The following DENND1B variants were observed in gnomAD, a reference collection of about 807,000 sequenced individuals.
The protein encoded by DENND1B is DENN domain-containing protein 1B.
DENND1B carries 59 observed loss-of-function variants against 90.1 expected under a neutral mutation model. That is an observed-to-expected ratio of 0.65 (90% CI 0.53 to 0.81). The LOEUF (loss-of-function observed/expected upper bound fraction) is 0.81, where lower values mean the gene tolerates loss of function less well. DENND1B is among the 40% of genes least tolerant of loss of function. The pLI is 0.00. For missense variants in DENND1B, 862 were observed against 912.6 expected, an observed-to-expected ratio of 0.94 and a Z score of 0.71; for synonymous variants, 337 against 324.6, an observed-to-expected ratio of 1.04 and a Z score of -0.41.
At chr1:197,579,924 T>C (rs1307164839) in intron 15 of DENND1B, among the ~76,000 whole-genome samples, 1 of 152,038 alleles carries the variant, frequency 6.6e-6, no homozygotes. Flanking sequence ...TTAAGGCTTG[T>C]TTCTTCTTTC....
chr1:197,674,241 G>A, intron 3 of DENND1B, 72 bp from the exon 4 acceptor site: 1 of 1,134,422 alleles, frequency 8.8e-7, no homozygotes, highest in Non-Finnish European at 1.3e-6. Context: ...AAACTTCTTT[G>A]AGACATTTTC....
intron 20 of DENND1B, among the ~76,000 whole-genome samples, chr1:197,536,117 GGA>G (rs1056236199): frequency 2.2e-5 from 3 of 134,156 alleles, no homozygotes; most frequent in Non-Finnish European, 4.9e-5. Flanking sequence ...ACGGAGGGAG[GGA>G]GAGAGGGAGA....
chr1:197,637,260 A>G (rs1679882146), intron 10 of DENND1B, among the ~76,000 whole-genome samples: 1 of 152,200 alleles, frequency 6.6e-6, no homozygotes, highest in Non-Finnish European at 1.5e-5. Flanking sequence ...AATGCTTGGT[A>G]AACTGAAATC....
intron 3 of DENND1B, among the ~76,000 whole-genome samples, chr1:197,679,703 G>T (rs1656460023): frequency 6.7e-6 from 1 of 149,826 alleles, no homozygotes; most frequent in African/African-American, 2.4e-5. Context: ...CAAGTGGTGT[G>T]CTTGGCAAAT....
At chr1:197,705,415 T>C (rs1183565786) in intron 3 of DENND1B, among the ~76,000 whole-genome samples, 1 of 152,112 alleles carries the variant, frequency 6.6e-6, no homozygotes, top group Non-Finnish European at 1.5e-5. Flanking sequence ...GTTATGAATG[T>C]TCACCACCAT....
At chr1:197,654,340 G>C (rs1401515044) in intron 6 of DENND1B, among the ~76,000 whole-genome samples, 2 of 152,126 alleles carry the variant, frequency 1.3e-5, no homozygotes, top group East Asian at 3.9e-4. Context: ...GCCGGGAGTG[G>C]TGGCTCCCGC....
At chr1:197,630,002 T>A (rs776481767) in intron 10 of DENND1B, among the ~76,000 whole-genome samples, 1 of 151,920 alleles carries the variant, frequency 6.6e-6, no homozygotes, top group Non-Finnish European at 1.5e-5. Flanking sequence ...AACAATGAGA[T>A]ACCACTACGC....
In DENND1B at chr1:197,510,319, C is replaced by T. The variant is rs528512561; in HGVS notation, c.*141G>A. On this transcript the variant is annotated 3_prime_UTR_variant, in exon 23 of 23. Transcript: ENST00000620048. ...AAAATCAATGCATTTCATATATCCT[C>T]GAAATGAACAAGTGAGAAAAATGTT... The T allele has an allele frequency of 1.9e-5, 18 of 943,720 alleles. No homozygotes were observed. The South Asian group carries it at 2.8e-4, about 15-fold the overall frequency. 58.5% of individuals were successfully genotyped at this position (943,720 alleles called of 1,614,324 possible).
intron 3 of DENND1B, among the ~76,000 whole-genome samples, chr1:197,701,592 A>G (rs1659037867): frequency 6.6e-6 from 1 of 151,946 alleles, no homozygotes. Flanking sequence ...AAGAAAGAAG[A>G]AAGAAAAAGG....
chr1:197,747,732 T>G (rs1652891577), intron 2 of DENND1B, among the ~76,000 whole-genome samples: 1 of 152,254 alleles, frequency 6.6e-6, no homozygotes. Flanking sequence ...GCATGCTTAC[T>G]GCACACTACA....
Position 197,773,389 on chromosome 1 carries a change from T to TTG in DENND1B, c.18-459_18-458dup, listed in dbSNP as rs1656864637. 2.0e-5 allele frequency among the ~76,000 whole-genome samples: 3 copies of TTG among 152,318 alleles called. No homozygotes were observed. The South Asian group carries it at 6.2e-4, about 32-fold the overall frequency. ...GGTTCTCAGGCTGTCTCCAAAGGACTTGCAATATAAGTGTAAATGATGAAT... is the reference window on the plus strand; with the variant it reads ...GGTTCTCAGGCTGTCTCCAAAGGACTTGTGCAATATAAGTGTAAATGATGAAT... On this transcript the variant is annotated intron_variant, in intron 1 of 22. Transcript: ENST00000620048.
intron 15 of DENND1B, among the ~76,000 whole-genome samples, chr1:197,569,954 T>C (rs556366114): frequency 9.2e-5 from 14 of 152,284 alleles, no homozygotes; most frequent in African/African-American, 3.4e-4. Flanking sequence ...AAATGTTAAT[T>C]ACATGAGTTA....
At chr1:197,550,515 A>T (rs979238289) in intron 16 of DENND1B, among the ~76,000 whole-genome samples, 2 of 152,118 alleles carry the variant, frequency 1.3e-5, no homozygotes, top group Admixed American at 6.6e-5. Flanking sequence ...CTTTGTAGGG[A>T]CATGGATGAA....
intron 13 of DENND1B, among the ~76,000 whole-genome samples, chr1:197,596,231 T>C (rs1675677551): frequency 6.6e-6 from 1 of 152,084 alleles, no homozygotes; most frequent in Admixed American, 6.6e-5. Context: ...TTAAGTGCTA[T>C]GTATTTTAGA....
intron 5 of DENND1B, among the ~76,000 whole-genome samples, chr1:197,659,311 A>G (rs1176784235): frequency 6.6e-6 from 1 of 151,812 alleles, no homozygotes; most frequent in African/African-American, 2.4e-5. Context: ...ATTTTTTTTC[A>G]TATAATGTCT....
chr1:197,651,645 C>CTTTTTTTT (rs34012616), intron 7 of DENND1B, among the ~76,000 whole-genome samples: 7 of 61,560 alleles, frequency 1.1e-4, no homozygotes, highest in Non-Finnish European at 1.7e-4. Flanking sequence ...ATCAATGCTT[C>CTTTTTTTT]TTTTTTTTTT....
At chr1:197,734,854 G>T in intron 2 of DENND1B, 1 of 984,660 alleles carries the variant, frequency 1.0e-6, no homozygotes, top group Non-Finnish European at 1.2e-6. Flanking sequence ...ATTCATAAGG[G>T]GGAAAATAAT....
chr1:197,514,149 A>G (rs1668235912), intron 20 of DENND1B, among the ~76,000 whole-genome samples: 1 of 151,646 alleles, frequency 6.6e-6, no homozygotes, highest in South Asian at 2.1e-4. Flanking sequence ...TAAATCCACT[A>G]TTTCATTAGG....
chr1:197,734,092 A>G, intron 2 of DENND1B: 1 of 959,470 alleles, frequency 1.0e-6, no homozygotes, highest in Non-Finnish European at 1.2e-6. Context: ...TCACTGAAGG[A>G]CCCAATCAAA....
Sources: allele counts gnomAD v4.1 joint callset (sites outside exome capture counted in the v4.1 genomes callset), GRCh38; gene constraint gnomAD v4.1.1; transcripts MANE v1.5; gene names NCBI Gene and HGNC (gene_info 2026-07-23, HGNC 2026-07-21).